Variants in INTU observed in about 807,000 individuals in gnomAD.
INTU encodes inturned planar cell polarity protein.
In INTU, 68 loss-of-function variants were observed where a neutral mutation model predicts 100.5. That is an observed-to-expected ratio of 0.68 (90% confidence interval 0.56 to 0.83). The LOEUF (loss-of-function observed/expected upper bound fraction) is 0.83, where lower values mean the gene tolerates loss of function less well. Among genes scored for constraint, INTU ranks in the 40% least tolerant of loss-of-function variants. The probability of loss-of-function intolerance (pLI) is 0.00; values close to 1 mark genes in which losing one functional copy is unlikely to be tolerated. For synonymous variants in INTU, 357 were observed against 395.7 expected (o/e 0.90, Z 1.16); for missense variants, 1,071 against 1,114.7 (o/e 0.96, Z 0.56).
In INTU at chr4:127,705,747, G is replaced by T. The variant is rs758345121; in HGVS notation, c.1723G>T (p.Ala575Ser). The T allele has an allele frequency of 6.2e-7, 1 of 1,614,046 alleles. No homozygotes were observed. Among genetic ancestry groups the T allele is most frequent in the South Asian group, 1.1e-5 (1 of 91,078 alleles). Residue 575 changes from alanine (A) to serine (S), a missense_variant, in exon 11 of 16, where the codon GCA (alanine) becomes TCA (serine). Ala to Ser is a moderately conservative substitution (Grantham distance 99, BLOSUM62 1). Coordinates refer to ENST00000335251, the MANE Select transcript of INTU (RefSeq NM_015693.4). ...VFPQHHLRPL[A>S]DSSTEVFPEP... ...TCCTCAGCATCACCTCCGACCTTTGGCAGACTCAAGCACTGAAGTCTTTCC... is the reference window on the plus strand; with the variant it reads ...TCCTCAGCATCACCTCCGACCTTTGTCAGACTCAAGCACTGAAGTCTTTCC...
chr4:127,648,436 A>G (rs1418641489), intron 2 of INTU, among the ~76,000 whole-genome samples: 2 of 152,194 alleles, frequency 1.3e-5, no homozygotes, highest in Non-Finnish European at 2.9e-5. Context: ...ATTTATTTTC[A>G]TATATTTTTA....
intron 4 of INTU, among the ~76,000 whole-genome samples, chr4:127,663,868 G>A (rs188106100): frequency 1.1e-4 from 17 of 152,178 alleles, no homozygotes; most frequent in African/African-American, 3.4e-4. Flanking sequence ...TAACTTAGAA[G>A]CTAAGGTCTT....
chr4:127,654,836 T>C (rs1728099885), intron 2 of INTU, among the ~76,000 whole-genome samples: 1 of 145,750 alleles, frequency 6.9e-6, no homozygotes, highest in East Asian at 2.0e-4. Context: ...TTGGTTCCAT[T>C]CTCCCCATCA....
At position 127,705,631 on chromosome 4, in the gene INTU, T is replaced by C. The variant is rs779935452; in HGVS notation, c.1607T>C (p.Ile536Thr). The change falls in exon 11 of 16, where the codon ATT becomes ACT. Residue 536 changes from isoleucine (I) to threonine (T), a missense_variant. Physicochemically the swap from Ile to Thr is moderately conservative, Grantham distance 89. Transcript: ENST00000335251. ...AGTCATTTGCCCAAGGATGATCTTA[T>C]TGATATTGCCGTATACTGTCGCCAC... ...ICSHLPKDDL[I>T]DIAVYCRHYC... 2.5e-6 allele frequency: 4 copies of C among 1,613,890 alleles called. No homozygotes were observed. The African/African-American group carries it at 4.0e-5, about 16-fold the overall frequency.
chr4:127,661,807 A>G (rs1439194603), intron 3 of INTU, among the ~76,000 whole-genome samples: 2 of 152,180 alleles, frequency 1.3e-5, no homozygotes, highest in Non-Finnish European at 2.9e-5. Context: ...GATACCCAGT[A>G]GAGGGGTTGC....
chr4:127,714,366 T>A (rs1244590716), intron 15 of INTU, among the ~76,000 whole-genome samples: 1 of 152,036 alleles, frequency 6.6e-6, no homozygotes, highest in African/African-American at 2.4e-5. Flanking sequence ...TCCTTCATTT[T>A]TCCCCCTCTC....
At chr4:127,638,205 A>C (rs1051079995) in intron 1 of INTU, among the ~76,000 whole-genome samples, 4 of 152,154 alleles carry the variant, frequency 2.6e-5, no homozygotes, top group Non-Finnish European at 5.9e-5. Flanking sequence ...TTAATTTGTC[A>C]CAGTGTTTTT....
intron 6 of INTU, among the ~76,000 whole-genome samples, chr4:127,678,069 CA>C (rs1256513612): frequency 1.3e-5 from 2 of 152,032 alleles, no homozygotes; most frequent in Non-Finnish European, 2.9e-5. Context: ...TAAAAAGAAA[CA>C]AACAAAGCCT....
chr4:127,678,631 C>T lies in INTU; in HGVS notation c.1181+4418C>T, dbSNP rs866419891. On this transcript the variant is annotated intron_variant, in intron 6 of 15. Transcript: ENST00000335251. ...AAACATGGAAAGGAACAACTGGTAC[C>T]GGCCACTGCAAAATCATGCCAAATT... Among the ~76,000 whole-genome samples the T allele has an allele frequency of 2.7e-3, 417 of 152,274 alleles. 4 individuals carry two copies. Among genetic ancestry groups the T allele is most frequent in the African/African-American group, 9.5e-3 (394 of 41,558 alleles).
intron 2 of INTU, among the ~76,000 whole-genome samples, chr4:127,645,031 C>T (rs1020436038): frequency 6.6e-6 from 1 of 152,136 alleles, no homozygotes; most frequent in Non-Finnish European, 1.5e-5. Flanking sequence ...GCAGGCAGCT[C>T]CTCACTGTCT....
chr4:127,687,399 C>A, intron 7 of INTU: 1 of 190,818 alleles, frequency 5.2e-6, no homozygotes, highest in Non-Finnish European at 1.1e-5. Flanking sequence ...TACTTCAGCC[C>A]TTTCTTTTAT....
In INTU at chr4:127,702,521, T is replaced by G. The variant is rs541415161; in HGVS notation, c.1504-1707T>G. ...AATGGACTACTACTCAGAAAAAAAGTTGGTGTAGGGAGGTGTTGAGGGAAC... is the reference window on the plus strand; with the variant it reads ...AATGGACTACTACTCAGAAAAAAAGGTGGTGTAGGGAGGTGTTGAGGGAAC... On this transcript the variant is annotated intron_variant, in intron 9 of 15. Transcript: ENST00000335251. 2.0e-5 allele frequency among the ~76,000 whole-genome samples: 3 copies of G among 152,086 alleles called. No homozygotes were observed. The East Asian group carries it at 5.8e-4, about 29-fold the overall frequency.
intron 2 of INTU, 24 bp from the exon 3 acceptor site, chr4:127,656,612 C>A: frequency 1.3e-6 from 2 of 1,535,056 alleles, no homozygotes; most frequent in East Asian, 2.3e-5. Context: ...ATAAAACTAT[C>A]TTTTATTGTT....
Position 127,647,999 on chromosome 4 carries a change from C to T in INTU, c.682+3943C>T, listed in dbSNP as rs1188773068. Among the ~76,000 whole-genome samples the T allele has an allele frequency of 2.6e-5, 4 of 152,068 alleles. No individual in the cohort carries two copies. In the East Asian group the frequency reaches 5.8e-4, roughly 22 times the overall value. ...ATACTGAGAAATTGATGGCTTTTCT[C>T]ACATAATTTAACTTTACATTGAGGA... On this transcript the variant is annotated intron_variant, in intron 2 of 15. Coordinates refer to ENST00000335251, the MANE Select transcript of INTU (RefSeq NM_015693.4).
At chr4:127,702,118 T>A (rs1240277458) in intron 9 of INTU, among the ~76,000 whole-genome samples, 1 of 152,072 alleles carries the variant, frequency 6.6e-6, no homozygotes, top group East Asian at 1.9e-4. Flanking sequence ...TATAGAACAC[T>A]ATTTTAATGA....
At chr4:127,640,113 T>C (rs973757318) in intron 1 of INTU, among the ~76,000 whole-genome samples, 5 of 152,066 alleles carry the variant, frequency 3.3e-5, no homozygotes, top group Non-Finnish European at 5.9e-5. Flanking sequence ...AAGAGTTATA[T>C]CTAGTAAAAG....
At chr4:127,699,321 G>A (rs997652653) in intron 8 of INTU, 3 of 152,160 alleles carry the variant, frequency 2.0e-5, no homozygotes, top group Non-Finnish European at 4.4e-5. Flanking sequence ...AAGAACAAAG[G>A]TGATACATGA....
chr4:127,695,548 T>C (rs1253797357), intron 8 of INTU, among the ~76,000 whole-genome samples: 2 of 152,182 alleles, frequency 1.3e-5, no homozygotes, highest in African/African-American at 4.8e-5. Context: ...CGGAGGCTCC[T>C]TATATACTGA....
At chr4:127,653,816 G>T (rs956375427) in intron 2 of INTU, among the ~76,000 whole-genome samples, 2 of 151,736 alleles carry the variant, frequency 1.3e-5, no homozygotes, top group Admixed American at 1.3e-4. Flanking sequence ...AATGTTGACA[G>T]TGGGGTGTTA....
Sources: allele counts gnomAD v4.1 joint callset (sites outside exome capture counted in the v4.1 genomes callset), GRCh38; gene constraint gnomAD v4.1.1; transcripts MANE v1.5; gene names NCBI Gene and HGNC (gene_info 2026-07-23, HGNC 2026-07-21).